Variants in MARCHF1 observed in about 807,000 individuals in gnomAD.
The protein encoded by MARCHF1 is E3 ubiquitin-protein ligase MARCHF1.
Under a neutral mutation model 54.2 loss-of-function variants are expected in MARCHF1, and 40 were observed. The ratio of observed to expected loss-of-function variants is 0.74; its 90% CI spans 0.57 to 0.96. The LOEUF (loss-of-function observed/expected upper bound fraction) is 0.96, where lower values mean the gene tolerates loss of function less well. Among genes scored for constraint, MARCHF1 ranks in the 40% least tolerant of loss-of-function variants. The probability of loss-of-function intolerance (pLI) is 0.00; values close to 1 mark genes in which losing one functional copy is unlikely to be tolerated. For synonymous variants in MARCHF1, 236 were observed against 236.3 expected (o/e 1.00, Z 0.01); for missense variants, 586 against 656.5 (o/e 0.89, Z 1.17).
intron 5 of MARCHF1, among the ~76,000 whole-genome samples, chr4:163,621,158 C>A (rs1364993907): frequency 6.6e-6 from 1 of 152,132 alleles, no homozygotes; most frequent in Non-Finnish European, 1.5e-5. Context: ...GGACACTGAT[C>A]TTGAAATACT....
intron 4 of MARCHF1, among the ~76,000 whole-genome samples, chr4:163,745,570 T>G (rs6836852): frequency 0.024 from 3,621 of 152,168 alleles, 140 homozygotes; most frequent in African/African-American, 0.081. Context: ...TGAGAAGCAG[T>G]TCTCAAATAG....
chr4:164,104,866 C>T (rs1755655983), intron 2 of MARCHF1, among the ~76,000 whole-genome samples: 1 of 64,364 alleles, frequency 1.6e-5, no homozygotes, highest in African/African-American at 3.8e-5. Context: ...TCTAGAAAAC[C>T]CCATTATCTC....
At chr4:163,781,413 A>G (rs955172086) in intron 4 of MARCHF1, among the ~76,000 whole-genome samples, 2 of 152,050 alleles carry the variant, frequency 1.3e-5, no homozygotes, top group Non-Finnish European at 2.9e-5. Flanking sequence ...AGATACGGCC[A>G]TTTTCTGTAC....
At chr4:163,685,654 A>G (rs898513174) in intron 5 of MARCHF1, among the ~76,000 whole-genome samples, 1 of 152,066 alleles carries the variant, frequency 6.6e-6, no homozygotes, top group Non-Finnish European at 1.5e-5. Context: ...GGGCTTTACC[A>G]TGTTGGCCAG....
chr4:164,294,144 G>A (rs1262101881), intron 1 of MARCHF1, among the ~76,000 whole-genome samples: 2 of 152,190 alleles, frequency 1.3e-5, no homozygotes, highest in Non-Finnish European at 2.9e-5. Context: ...CACACCAGTG[G>A]TTTGCCAGGG....
chr4:163,679,164 A>G (rs1486547255), intron 5 of MARCHF1, among the ~76,000 whole-genome samples: 1 of 152,172 alleles, frequency 6.6e-6, no homozygotes, highest in Non-Finnish European at 1.5e-5. Context: ...TTCCTGCTAG[A>G]ATGTTTTGGC....
chr4:164,067,657 T>C (rs1754758485), intron 2 of MARCHF1, among the ~76,000 whole-genome samples: 1 of 152,138 alleles, frequency 6.6e-6, no homozygotes, highest in Non-Finnish European at 1.5e-5. Flanking sequence ...TACCCTTTTT[T>C]ACATTGGCCT....
At chr4:163,796,728 T>G (rs988015161) in intron 4 of MARCHF1, among the ~76,000 whole-genome samples, 2 of 151,904 alleles carry the variant, frequency 1.3e-5, no homozygotes, top group South Asian at 2.1e-4. Flanking sequence ...TATTCTGATG[T>G]TTTTTTTCCC....
rs1441434414 is a variant in MARCHF1 at position 163,670,801 on chromosome 4, C to A, written c.162+30012G>T. Among the ~76,000 whole-genome samples the A allele has an allele frequency of 5.3e-5, 8 of 152,188 alleles. No homozygotes were observed. In the South Asian group the frequency reaches 6.2e-4, roughly 12 times the overall value. On this transcript the variant is annotated intron_variant, in intron 5 of 9. Coordinates refer to ENST00000514618, the MANE Select transcript of MARCHF1 (RefSeq NM_001394959.1). The stretch of plus-strand genomic sequence containing the variant: ...CGGGAATACAATACTTATCGAGAAA[C>A]ACAAATGTTTTTATTTTGGTAGTAA...
intron 2 of MARCHF1, among the ~76,000 whole-genome samples, chr4:163,996,192 C>T (rs1753073042): frequency 6.6e-6 from 1 of 151,842 alleles, no homozygotes; most frequent in South Asian, 2.1e-4. Flanking sequence ...ATTAATCTAA[C>T]ATTAGTAATG....
chr4:164,002,021 A>T (rs180937995), intron 2 of MARCHF1, among the ~76,000 whole-genome samples: 57 of 151,942 alleles, frequency 3.8e-4, no homozygotes, highest in African/African-American at 1.3e-3. Context: ...CATACCTTAT[A>T]ATAAATTATC....
intron 5 of MARCHF1, among the ~76,000 whole-genome samples, chr4:163,642,060 C>T (rs1742574379): frequency 6.6e-6 from 1 of 152,114 alleles, no homozygotes; most frequent in Non-Finnish European, 1.5e-5. Flanking sequence ...ATTGTTTAGG[C>T]AAAATTCCTG....
In MARCHF1 at chr4:163,585,879, C is replaced by A. The variant is rs115487574; in HGVS notation, c.1061G>T (p.Arg354Leu). The A allele has an allele frequency of 1.2e-6, 2 of 1,613,454 alleles. No individual in the cohort carries two copies. The highest frequency in any genetic ancestry group is 2.2e-5 in the South Asian group (2 of 91,002). The change falls in exon 8 of 10, where the codon CGC becomes CTC. Residue 354 changes from arginine to leucine, a missense_variant. Transcript: ENST00000514618. The stretch of plus-strand genomic sequence containing the variant: ...GACAAAGCGCAGTGTCCCAGTGCAG[C>A]GACAGGGTGTGATGAGGGGGCTCTC... Reference protein sequence around the residue: ...DEESPLITPCRCTGTLRFVHQ... With the variant: ...DEESPLITPCLCTGTLRFVHQ...
At chr4:163,903,109 G>A (rs181910970) in intron 3 of MARCHF1, among the ~76,000 whole-genome samples, 10 of 151,704 alleles carry the variant, frequency 6.6e-5, no homozygotes, top group African/African-American at 1.2e-4. Context: ...TCAGATTACC[G>A]TCAATACAGA....
At chr4:163,606,304 A>C (rs1019821522) in intron 7 of MARCHF1, among the ~76,000 whole-genome samples, 1 of 152,094 alleles carries the variant, frequency 6.6e-6, no homozygotes, top group African/African-American at 2.4e-5. Context: ...CTTAGCATGC[A>C]CTGATTCGGA....
chr4:163,611,599 T>C, intron 7 of MARCHF1, among the ~76,000 whole-genome samples: 1 of 152,244 alleles, frequency 6.6e-6, no homozygotes, highest in Non-Finnish European at 1.5e-5. Flanking sequence ...TCTTTTTATG[T>C]AAGGTTATTT....
At chr4:163,545,961 G>A (rs201838028) in intron 8 of MARCHF1, among the ~76,000 whole-genome samples, 25,568 of 150,990 alleles carry the variant, frequency 0.17, 2,377 homozygotes, top group Admixed American at 0.28. Context: ...GTGTGTGTGT[G>A]TGTGTGTGTG....
intron 8 of MARCHF1, among the ~76,000 whole-genome samples, chr4:163,550,742 G>A (rs980649687): frequency 6.6e-6 from 1 of 152,124 alleles, no homozygotes; most frequent in Admixed American, 6.5e-5. Context: ...AGGATAATAA[G>A]TAAACCTTTT....
At chr4:163,668,890 T>C (rs1743631832) in intron 5 of MARCHF1, among the ~76,000 whole-genome samples, 1 of 152,066 alleles carries the variant, frequency 6.6e-6, no homozygotes. Context: ...CCAGAGGCAT[T>C]TGTAGCTAGG....
Sources: allele counts gnomAD v4.1 joint callset (sites outside exome capture counted in the v4.1 genomes callset), GRCh38; gene constraint gnomAD v4.1.1; transcripts MANE v1.5; gene names NCBI Gene and HGNC (gene_info 2026-07-23, HGNC 2026-07-21).